KCNIP4: variants seen among roughly 807,000 people sequenced by gnomAD.
The protein encoded by KCNIP4 is Kv channel-interacting protein 4.
In KCNIP4, 12 loss-of-function variants were observed where a neutral mutation model predicts 34.0. The ratio of observed to expected loss-of-function variants is 0.35; its 90% CI spans 0.23 to 0.57. KCNIP4 has a LOEUF of 0.57. Among genes scored for constraint, KCNIP4 ranks in the 20% least tolerant of loss-of-function variants. The pLI is 0.83. For synonymous variants in KCNIP4, 124 were observed against 102.2 expected (o/e 1.21, Z -1.29); for missense variants, 238 against 311.7 (o/e 0.76, Z 1.78).
chr4:21,175,960 T>A (rs1754375666), intron 1 of KCNIP4, among the ~76,000 whole-genome samples: 1 of 152,158 alleles, frequency 6.6e-6, no homozygotes, highest in South Asian at 2.1e-4. Context: ...CCATTTGTTT[T>A]TTTTTAGAGT....
chr4:20,928,213 A>T (rs1730087097), intron 1 of KCNIP4, among the ~76,000 whole-genome samples: 1 of 150,820 alleles, frequency 6.6e-6, no homozygotes, highest in African/African-American at 2.4e-5. Flanking sequence ...GATCATCTAA[A>T]CAGACCAATA....
intron 1 of KCNIP4, among the ~76,000 whole-genome samples, chr4:21,719,886 C>G (rs1176817582): frequency 6.7e-6 from 1 of 150,164 alleles, no homozygotes; most frequent in African/African-American, 2.5e-5. Flanking sequence ...TCACTTGAAC[C>G]TGGGAGGCAG....
At chr4:21,914,680 A>G (rs1242578541) in intron 1 of KCNIP4, among the ~76,000 whole-genome samples, 2 of 152,264 alleles carry the variant, frequency 1.3e-5, no homozygotes, top group Admixed American at 1.3e-4. Flanking sequence ...CTTGCAAATC[A>G]TCTTACTTTT....
rs1747224965 is a variant in KCNIP4 at position 20,729,455 on chromosome 4, G to GATATCTGATAA, written c.*616_*626dup. 1 of 129,404 alleles carries GATATCTGATAA rather than the reference G, an allele frequency of 7.7e-6. No homozygotes were observed. Among genetic ancestry groups the GATATCTGATAA allele is most frequent in the Admixed American group, 8.0e-5 (1 of 12,468 alleles). 8.0% of individuals were successfully genotyped at this position (129,404 alleles called of 1,614,324 possible). A position where few individuals can be genotyped will look rare whatever the true frequency, so the allele number is the denominator to read the frequency against. ...AAATAAGTTTTATTAGGCATATGCT[G>GATATCTGATAA]ATATCTGATAATAAACTAATTTTTA... On this transcript the variant is annotated 3_prime_UTR_variant, in exon 9 of 9. Transcript: ENST00000382152.
intron 1 of KCNIP4, among the ~76,000 whole-genome samples, chr4:21,501,275 T>C (rs62301291): frequency 0.23 from 31,182 of 136,900 alleles, 3,593 homozygotes; most frequent in Non-Finnish European, 0.28. Flanking sequence ...CACACACACA[T>C]GCCATGTCCT....
chr4:21,626,094 A>G (rs900994939), intron 1 of KCNIP4, among the ~76,000 whole-genome samples: 1 of 152,130 alleles, frequency 6.6e-6, no homozygotes, highest in African/African-American at 2.4e-5. Context: ...ATTGCTTGCT[A>G]TTTATCTGAT....
At chr4:21,057,828 T>C (rs1373526813) in intron 1 of KCNIP4, among the ~76,000 whole-genome samples, 2 of 152,178 alleles carry the variant, frequency 1.3e-5, no homozygotes, top group African/African-American at 4.8e-5. Flanking sequence ...ATGATGAAAA[T>C]ATATGAAGAC....
intron 1 of KCNIP4, among the ~76,000 whole-genome samples, chr4:20,936,996 C>G (rs7690016): frequency 3.3e-5 from 5 of 151,774 alleles, no homozygotes; most frequent in Non-Finnish European, 7.4e-5. Context: ...AGGAAAAAAG[C>G]GTAACGTTCT....
At chr4:21,643,870 TGATAGATAGATAGATAGATAGATAGATA>T (rs5856654) in intron 1 of KCNIP4, among the ~76,000 whole-genome samples, 1 of 107,710 alleles carries the variant, frequency 9.3e-6, no homozygotes, top group Admixed American at 8.6e-5. Flanking sequence ...ATGATGATGA[TGATAGATAGATAGATAGATAGATAGATA>T]GATAGATAGA....
Position 21,757,207 on chromosome 4 carries a change from G to GAA in KCNIP4, c.61+191362_61+191363dup, listed in dbSNP as rs1397119766. ...GGAAGGAAGGAAGGAAGGAAAGAAAGAAAGAAAGAAAGAAAGAAAGAAAGA... is the reference window on the plus strand; with the variant it reads ...GGAAGGAAGGAAGGAAGGAAAGAAAGAAAAAGAAAGAAAGAAAGAAAGAAAGA... On this transcript the variant is annotated intron_variant, in intron 1 of 8. Coordinates refer to ENST00000382152, the MANE Select transcript of KCNIP4 (RefSeq NM_025221.6). Among the ~76,000 whole-genome samples the GAA allele has an allele frequency of 2.2e-3, 38 of 17,626 alleles. 4 individuals carry two copies. Among genetic ancestry groups the GAA allele is most frequent in the African/African-American group, 8.8e-3 (35 of 3,960 alleles). The allele number at this position is 17,626 out of a possible 152,430, so 11.6% of individuals were successfully genotyped here. A position where few individuals can be genotyped will look rare whatever the true frequency, so the allele number is the denominator to read the frequency against.
At chr4:21,182,411 T>TCCCTCCC (rs1754904552) in intron 1 of KCNIP4, among the ~76,000 whole-genome samples, 1 of 150,936 alleles carries the variant, frequency 6.6e-6, no homozygotes, top group African/African-American at 2.4e-5. Context: ...TTTTCCTCTT[T>TCCCTCCC]TCCCTCCCCC....
At chr4:21,586,136 A>G (rs1172445102) in intron 1 of KCNIP4, among the ~76,000 whole-genome samples, 1 of 152,120 alleles carries the variant, frequency 6.6e-6, no homozygotes, top group Non-Finnish European at 1.5e-5. Context: ...AAATGTTGGG[A>G]CAAAAAAGGC....
chr4:21,519,427 CAT>C (rs1276306156), intron 1 of KCNIP4, among the ~76,000 whole-genome samples: 10 of 127,114 alleles, frequency 7.9e-5, no homozygotes, highest in African/African-American at 1.6e-4. Flanking sequence ...TATATATACA[CAT>C]ATGTGTGTAT....
chr4:21,395,466 G>C (rs1380702925), intron 1 of KCNIP4, among the ~76,000 whole-genome samples: 4 of 151,620 alleles, frequency 2.6e-5, no homozygotes, highest in African/African-American at 9.7e-5. Context: ...AGGTATATAG[G>C]CCTCTAACCT....
At chr4:21,399,130 AACT>A (rs751562171) in intron 1 of KCNIP4, among the ~76,000 whole-genome samples, 26 of 152,328 alleles carry the variant, frequency 1.7e-4, no homozygotes, top group Middle Eastern at 3.4e-3. Flanking sequence ...GATTGTAGGG[AACT>A]ACTGTCCCAC....
At chr4:21,610,257 G>A (rs1156646507) in intron 1 of KCNIP4, among the ~76,000 whole-genome samples, 1 of 152,252 alleles carries the variant, frequency 6.6e-6, no homozygotes, top group Non-Finnish European at 1.5e-5. Flanking sequence ...CAAGATGTCA[G>A]TGGGGTAGGT....
chr4:21,107,235 G>T (rs1362944962), intron 1 of KCNIP4, among the ~76,000 whole-genome samples: 21 of 145,674 alleles, frequency 1.4e-4, no homozygotes, highest in Admixed American at 1.2e-3. Flanking sequence ...GGGAGTCTAA[G>T]TCTCTTTGTA....
chr4:21,100,744 G>A, intron 1 of KCNIP4, among the ~76,000 whole-genome samples: 1 of 152,000 alleles, frequency 6.6e-6, no homozygotes, highest in East Asian at 1.9e-4. Flanking sequence ...TGTGTACATT[G>A]TTTTTTTAGA....
intron 1 of KCNIP4, among the ~76,000 whole-genome samples, chr4:20,964,925 A>G (rs968187711): frequency 6.6e-6 from 1 of 152,178 alleles, no homozygotes; most frequent in African/African-American, 2.4e-5. Flanking sequence ...GGCACATTAA[A>G]CAAATACTGG....
Sources: gnomAD v4.1 joint callset for allele counts (sites outside exome capture counted in the v4.1 genomes callset) on GRCh38, gnomAD v4.1.1 for gene constraint, MANE v1.5 for transcripts, NCBI Gene and HGNC (gene_info 2026-07-23, HGNC 2026-07-21) for gene names.